SEMA3D: variants seen among roughly 807,000 people sequenced by gnomAD.
The protein encoded by SEMA3D is semaphorin-3D.
A neutral mutation model predicts 100.1 loss-of-function variants in SEMA3D; 84 were observed. That is an observed-to-expected ratio of 0.84 (90% CI 0.70 to 1.01). SEMA3D has a LOEUF of 1.01. Among genes scored for constraint, SEMA3D ranks in the 50% least tolerant of loss-of-function variants. The pLI is 0.00. For missense variants in SEMA3D, 875 were observed against 934.1 expected (o/e 0.94, Z 0.82); for synonymous variants, 312 against 320.7 (o/e 0.97, Z 0.29).
intron 18 of SEMA3D, among the ~76,000 whole-genome samples, chr7:85,002,332 TTAAC>T (rs1321441838): frequency 6.6e-6 from 1 of 152,230 alleles, no homozygotes; most frequent in African/African-American, 2.4e-5. Flanking sequence ...GTTAGATCAT[TTAAC>T]TATTATTTTT....
the SEMA3D span, among the ~76,000 whole-genome samples, chr7:85,208,957 A>G: frequency 7.9e-5 from 12 of 152,142 alleles, no homozygotes; most frequent in African/African-American, 2.9e-4. Context: ...GCCTGTGTCC[A>G]TCCCAGTCAA....
At chr7:85,063,255 T>A (rs779143454) in intron 8 of SEMA3D, among the ~76,000 whole-genome samples, 1 of 152,114 alleles carries the variant, frequency 6.6e-6, no homozygotes, top group Non-Finnish European at 1.5e-5. Context: ...TCAATTTTAG[T>A]CTAAACAGGG....
chr7:85,204,372 G>C, the SEMA3D span, among the ~76,000 whole-genome samples: 2 of 147,588 alleles, frequency 1.4e-5, no homozygotes, highest in African/African-American at 2.5e-5. Flanking sequence ...GCACCAGACT[G>C]TTGCCACTTA....
chr7:85,206,683 A>G, the SEMA3D span, among the ~76,000 whole-genome samples: 32 of 152,024 alleles, frequency 2.1e-4, no homozygotes, highest in African/African-American at 7.5e-4. Flanking sequence ...TAAAATGCTC[A>G]ATTTGGAGAA....
At chr7:85,028,623 A>G (rs1222172176) in intron 12 of SEMA3D, 1 of 223,320 alleles carries the variant, frequency 4.5e-6, no homozygotes. Context: ...GCACCTCTAT[A>G]CTGCTTGTGA....
chr7:85,075,014 T>C (rs1172576294), intron 5 of SEMA3D, among the ~76,000 whole-genome samples: 8 of 152,198 alleles, frequency 5.3e-5, no homozygotes, highest in African/African-American at 1.7e-4. Context: ...AGGTAAATTT[T>C]ATTGATGACC....
intron 7 of SEMA3D, among the ~76,000 whole-genome samples, chr7:85,066,892 TCACA>T (rs542898682): frequency 1.9e-5 from 2 of 106,934 alleles, no homozygotes; most frequent in South Asian, 5.2e-4. Context: ...AAATGTGCGC[TCACA>T]CACACACACA....
intron 3 of SEMA3D, among the ~76,000 whole-genome samples, chr7:85,115,786 C>G (rs1396307785): frequency 1.3e-5 from 2 of 152,046 alleles, no homozygotes; most frequent in African/African-American, 2.4e-5. Context: ...TCTCTGCCCC[C>G]CAACAACAAA....
the SEMA3D span, among the ~76,000 whole-genome samples, chr7:85,236,624 G>T: frequency 2.0e-5 from 3 of 151,838 alleles, no homozygotes; most frequent in African/African-American, 4.8e-5. Context: ...AATTTTTAAT[G>T]CTTTGTTTTG....
intron 1 of SEMA3D, among the ~76,000 whole-genome samples, chr7:85,160,624 C>A (rs1790720708): frequency 6.6e-6 from 1 of 152,002 alleles, no homozygotes; most frequent in Non-Finnish European, 1.5e-5. Context: ...GTAATGGGAC[C>A]CTCCTAAACA....
At chr7:85,222,019 C>T in the SEMA3D span, among the ~76,000 whole-genome samples, 30 of 151,848 alleles carry the variant, frequency 2.0e-4, no homozygotes, top group African/African-American at 7.0e-4. Flanking sequence ...TTTAGAAATC[C>T]CCAATCAAAT....
intron 2 of SEMA3D, among the ~76,000 whole-genome samples, chr7:85,133,755 C>T (rs1199029561): frequency 6.6e-6 from 1 of 151,914 alleles, no homozygotes; most frequent in Non-Finnish European, 1.5e-5. Context: ...GTTTCTGCAT[C>T]TACGAAATAG....
chr7:85,142,674 A>ATTTT (rs58949011), intron 2 of SEMA3D: 45 of 909,086 alleles, frequency 5.0e-5, no homozygotes, highest in Middle Eastern at 5.7e-4. Context: ...GAAGGATGGC[A>ATTTT]TTTTTTTTTT....
At chr7:85,204,147 T>C in the SEMA3D span, among the ~76,000 whole-genome samples, 1 of 151,884 alleles carries the variant, frequency 6.6e-6, no homozygotes, top group Admixed American at 6.6e-5. Context: ...CTCTTAAAAA[T>C]GAATATATAG....
the SEMA3D span, among the ~76,000 whole-genome samples, chr7:85,208,832 T>C: frequency 6.6e-6 from 1 of 152,038 alleles, no homozygotes; most frequent in Admixed American, 6.6e-5. Flanking sequence ...TATAGCTTTA[T>C]ATAGAAAAGA....
chr7:85,131,242 T>C (rs1229493900), intron 2 of SEMA3D, among the ~76,000 whole-genome samples: 2 of 151,768 alleles, frequency 1.3e-5, no homozygotes, highest in Non-Finnish European at 2.9e-5. Flanking sequence ...CATCCAAGAG[T>C]ATGAAAGCAA....
chr7:85,214,610 C>T, the SEMA3D span, among the ~76,000 whole-genome samples: 2 of 152,040 alleles, frequency 1.3e-5, no homozygotes, highest in Admixed American at 1.3e-4. Context: ...AATTTTACTG[C>T]CTCAGCCTCC....
chr7:85,030,275 A>C (rs2115907271), intron 12 of SEMA3D, among the ~76,000 whole-genome samples: 1 of 151,682 alleles, frequency 6.6e-6, no homozygotes, highest in African/African-American at 2.4e-5. Context: ...CTATTAATAA[A>C]AATTATCATG....
At chr7:85,057,384 A>G (rs531382167) in intron 8 of SEMA3D, among the ~76,000 whole-genome samples, 10 of 152,308 alleles carry the variant, frequency 6.6e-5, no homozygotes, top group South Asian at 4.1e-4. Context: ...CAATTAGAAA[A>G]TATGTGGCAC....
Sources: gnomAD v4.1 joint callset for allele counts (sites outside exome capture counted in the v4.1 genomes callset) on GRCh38, gnomAD v4.1.1 for gene constraint, MANE v1.5 for transcripts, NCBI Gene and HGNC (gene_info 2026-07-23, HGNC 2026-07-21) for gene names.